COL4A4: variants seen among roughly 807,000 people sequenced by gnomAD.
COL4A4 encodes the protein collagen alpha-4(IV) chain.
COL4A4 carries 105 observed loss-of-function variants against 192.9 expected under a neutral mutation model. The ratio of observed to expected loss-of-function variants is 0.54; its 90% CI spans 0.46 to 0.64. The LOEUF (loss-of-function observed/expected upper bound fraction) is 0.64. Ranked by LOEUF, COL4A4 falls within the 30% of genes least tolerant of loss-of-function variation. COL4A4 has a pLI of 0.00. For missense variants in COL4A4, 1,967 were observed against 2,169.3 expected, an observed-to-expected ratio of 0.91 and a Z score of 1.85; for synonymous variants, 762 against 769.9, an observed-to-expected ratio of 0.99 and a Z score of 0.17.
At chr2:227,113,186 T>C (rs753868057) in intron 8 of COL4A4, among the ~76,000 whole-genome samples, 5 of 152,216 alleles carry the variant, frequency 3.3e-5, no homozygotes, top group Non-Finnish European at 5.9e-5. Flanking sequence ...CCGTAATGCA[T>C]AAGGCTCCAA....
intron 4 of COL4A4, among the ~76,000 whole-genome samples, chr2:227,131,597 T>C (rs2062472070): frequency 6.6e-6 from 1 of 152,178 alleles, no homozygotes; most frequent in South Asian, 2.1e-4. Flanking sequence ...GCTGTTCCCC[T>C]TGTCTGAACA....
chr2:226,974,880 C>G, the COL4A4 span, among the ~76,000 whole-genome samples: 1 of 152,288 alleles, frequency 6.6e-6, no homozygotes, highest in East Asian at 1.9e-4. Context: ...TCAGGGACAT[C>G]CTGGAGATCT....
At chr2:227,041,874 GAA>G (rs1359609919) in intron 37 of COL4A4, among the ~76,000 whole-genome samples, 1 of 140,972 alleles carries the variant, frequency 7.1e-6, no homozygotes, top group Non-Finnish European at 1.5e-5. Flanking sequence ...AAGAAAGAAA[GAA>G]AGAAAGAAAG....
chr2:226,979,043 C>G, the COL4A4 span, among the ~76,000 whole-genome samples: 2 of 152,112 alleles, frequency 1.3e-5, no homozygotes, highest in South Asian at 2.1e-4. Context: ...AAGCAAAGTC[C>G]TATGATAGGC....
At chr2:227,014,073 CCAGGTGA>C (rs1284691782) in intron 44 of COL4A4, among the ~76,000 whole-genome samples, 6 of 152,220 alleles carry the variant, frequency 3.9e-5, no homozygotes, top group Non-Finnish European at 7.3e-5. Flanking sequence ...CTCTGCGGCC[CCAGGTGA>C]GGCCCCGACT....
At chr2:227,037,315 T>TATGAGTG (rs1324224176) in intron 37 of COL4A4, among the ~76,000 whole-genome samples, 7 of 152,308 alleles carry the variant, frequency 4.6e-5, no homozygotes, top group African/African-American at 1.7e-4. Flanking sequence ...AGCTCCCACT[T>TATGAGTG]ATGAGTGAGA....
At chr2:227,101,758 G>T in intron 16 of COL4A4, 107 bp downstream of exon 16, 1 of 1,088,920 alleles carries the variant, frequency 9.2e-7, no homozygotes, top group Non-Finnish European at 1.4e-6. Flanking sequence ...GAATGTGTCT[G>T]CCTTCCTAAT....
chr2:227,099,455 GA>G (rs1271911164), intron 18 of COL4A4, among the ~76,000 whole-genome samples, 164 bp downstream of exon 18: 4 of 152,262 alleles, frequency 2.6e-5, no homozygotes, highest in African/African-American at 7.2e-5. Context: ...TATATGTACT[GA>G]AAAAAACCTC....
rs1553697766 is a variant in COL4A4, at chr2:227,121,578, A to AAG, written c.193-431_193-430insCT. ...CCCTATCTCAAAAAAAAAAAAAAAG[A>AAG]AAAGAAAAGAAAGACAAGAAAAGAT... is the stretch of plus-strand genomic sequence containing the variant. On this transcript the variant is annotated intron_variant, in intron 4 of 47. Transcript: ENST00000396625. 3.3e-4 allele frequency among the ~76,000 whole-genome samples: 22 copies of AAG among 66,036 alleles called. 1 individual carries two copies. The highest frequency in any genetic ancestry group is 8.5e-4 in the African/African-American group (22 of 25,742). The allele number at this position is 66,036 out of a possible 152,430, so 43.3% of individuals were successfully genotyped here.
At chr2:227,116,811 T>C (rs1306760636) in intron 7 of COL4A4, among the ~76,000 whole-genome samples, 2 of 152,096 alleles carry the variant, frequency 1.3e-5, no homozygotes, top group Non-Finnish European at 2.9e-5. Context: ...CCCTGAGAGA[T>C]ATTTCACAAC....
intron 7 of COL4A4, among the ~76,000 whole-genome samples, chr2:227,116,423 G>A (rs1223100136): frequency 1.3e-5 from 2 of 152,098 alleles, no homozygotes; most frequent in Non-Finnish European, 2.9e-5. Context: ...TCTGTGATTG[G>A]CCCCTGCACA....
rs750707504 is a variant in COL4A4, at chr2:227,144,520, T to C, written c.110A>G (p.Tyr37Cys). The change falls in exon 3 of 48, where the codon TAT becomes TGT. Residue 37 changes from tyrosine to cysteine, a missense_variant. Tyr to Cys is a radical substitution (Grantham distance 194). Coordinates refer to ENST00000396625, the MANE Select transcript of COL4A4 (RefSeq NM_000092.5). ...ILILFSVQYV[Y>C]GSGKKYIGPC... ...AGAGCTAGTGAATGTACTTACCCCA[T>C]ATACATATTGTACAGAAAAGAGAAT... 1.3e-5 allele frequency: 21 copies of C among 1,610,030 alleles called. 1 individual carries two copies. In the South Asian group the frequency reaches 2.0e-4, roughly 15 times the overall value.
chr2:226,986,171 G>A, the COL4A4 span, among the ~76,000 whole-genome samples: 2 of 152,224 alleles, frequency 1.3e-5, no homozygotes, highest in Admixed American at 1.3e-4. Flanking sequence ...ACTCAAGACT[G>A]TCAAGGTCAT....
At chr2:227,044,247 G>A (rs1971999490) in intron 35 of COL4A4, among the ~76,000 whole-genome samples, 1 of 152,152 alleles carries the variant, frequency 6.6e-6, no homozygotes, top group East Asian at 1.9e-4. Flanking sequence ...ATTTATTAAA[G>A]ATAAAATGAT....
At chr2:227,054,394 C>T (rs979645587) in intron 31 of COL4A4, among the ~76,000 whole-genome samples, 200 bp downstream of exon 31, 2 of 152,240 alleles carry the variant, frequency 1.3e-5, no homozygotes, top group East Asian at 3.9e-4. Context: ...TAGAGCAATT[C>T]ATTTGCCATC....
At chr2:227,020,349 A>G (rs1337899263) in intron 44 of COL4A4, among the ~76,000 whole-genome samples, 4 of 152,196 alleles carry the variant, frequency 2.6e-5, no homozygotes, top group African/African-American at 7.2e-5. Context: ...GATGAGTTAA[A>G]TAAAGACTGG....
chr2:227,042,139 T>C lies in COL4A4; in HGVS notation c.3505+9A>G, dbSNP rs779884314. The C allele has an allele frequency of 9.0e-6, 14 of 1,560,774 alleles. No homozygotes were observed. The African/African-American group carries it at 1.9e-4, about 21-fold the overall frequency. On this transcript the variant is annotated intron_variant, in intron 37 of 47. Coordinates refer to ENST00000396625, the MANE Select transcript of COL4A4 (RefSeq NM_000092.5). ...TCTTTCTTGTGGGATGGGCTTCATT[T>C]TGACTTACCTTTTATTCCCGGAGGA...
intron 28 of COL4A4, 51 bp from the exon 29 acceptor site, chr2:227,057,651 T>A: frequency 6.3e-7 from 1 of 1,578,630 alleles, no homozygotes; most frequent in Non-Finnish European, 8.7e-7. Context: ...ACTATACAGA[T>A]GGCCCATGAT....
chr2:227,052,480 C>T (rs1005093674), intron 31 of COL4A4, 68 bp from the exon 32 acceptor site: 11 of 941,364 alleles, frequency 1.2e-5, no homozygotes, highest in South Asian at 7.9e-5. Context: ...TCCATTACTA[C>T]ATTTCACTCC....
Sources: allele counts gnomAD v4.1 joint callset (sites outside exome capture counted in the v4.1 genomes callset), GRCh38; gene constraint gnomAD v4.1.1; transcripts MANE v1.5; gene names NCBI Gene and HGNC (gene_info 2026-07-23, HGNC 2026-07-21).